Variants in SRGAP1 observed in about 807,000 individuals in gnomAD.
The protein encoded by SRGAP1 is SLIT-ROBO Rho GTPase activating protein 1.
A neutral mutation model predicts 121.9 loss-of-function variants in SRGAP1; 43 were observed. That is an observed-to-expected ratio of 0.35 (90% CI 0.28 to 0.46). SRGAP1 has a LOEUF of 0.46. Ranked by LOEUF, SRGAP1 falls within the 20% of genes least tolerant of loss-of-function variation. The pLI is 1.00. For synonymous variants in SRGAP1, 447 were observed against 485.4 expected (o/e 0.92, Z 1.04); for missense variants, 1,102 against 1,350.9 (o/e 0.82, Z 2.89).
At chr12:63,972,629 T>C (rs1327236662) in intron 1 of SRGAP1, among the ~76,000 whole-genome samples, 2 of 152,180 alleles carry the variant, frequency 1.3e-5, no homozygotes, top group African/African-American at 4.8e-5. Flanking sequence ...ATTTAGAAAC[T>C]TGTTATTTGT....
chr12:63,993,856 G>GT (rs2033622973), intron 3 of SRGAP1, among the ~76,000 whole-genome samples: 1 of 147,740 alleles, frequency 6.8e-6, no homozygotes, highest in South Asian at 2.1e-4. Flanking sequence ...TTTTCAACAG[G>GT]TTAAAAAAAA....
intron 3 of SRGAP1, among the ~76,000 whole-genome samples, chr12:64,012,054 C>A (rs2034268105): frequency 6.6e-6 from 1 of 151,676 alleles, no homozygotes; most frequent in Non-Finnish European, 1.5e-5. Flanking sequence ...AGAGGGAGAC[C>A]CTGTGTCAAA....
intron 17 of SRGAP1, 113 bp downstream of exon 17, chr12:64,112,099 G>A (rs2036439138): frequency 6.4e-6 from 5 of 787,230 alleles, no homozygotes; most frequent in South Asian, 3.8e-5. Context: ...CAACTTAAAA[G>A]GAAGAAGCAG....
In SRGAP1 at chr12:63,845,172, A is replaced by G. The variant is rs1461909088; in HGVS notation, c.67+289A>G. 2.0e-5 allele frequency among the ~76,000 whole-genome samples: 3 copies of G among 152,310 alleles called. No individual in the cohort carries two copies. The East Asian group carries it at 5.8e-4, about 29-fold the overall frequency. The stretch of plus-strand genomic sequence containing the variant: ...TAACTTAACCACCTTCAGCTGGGCA[A>G]CTTATGTGGGAAGCAGGCAGCAGTG... On this transcript the variant is annotated intron_variant, in intron 1 of 21. Coordinates refer to ENST00000355086, the MANE Select transcript of SRGAP1 (RefSeq NM_020762.4).
chr12:64,028,084 T>A (rs1185902037), intron 4 of SRGAP1, among the ~76,000 whole-genome samples: 1 of 152,202 alleles, frequency 6.6e-6, no homozygotes, highest in Non-Finnish European at 1.5e-5. Flanking sequence ...TCTAGTAAAT[T>A]TGGTGGGCTT....
rs59452978 is a variant in SRGAP1, at chr12:63,868,058, T to TATA, written c.67+23175_67+23176insATA. 7.6e-3 allele frequency among the ~76,000 whole-genome samples: 497 copies of TATA among 65,172 alleles called. 1 individual carries two copies. Among genetic ancestry groups the TATA allele is most frequent in the African/African-American group, 0.027 (451 of 16,460 alleles). 42.8% of individuals were successfully genotyped at this position (65,172 alleles called of 152,430 possible). A position where few individuals can be genotyped will look rare whatever the true frequency, so the allele number is the denominator to read the frequency against. ...TCCATATATATATATATATATATATTTTTTTTTTTTTTTTTTTTTTGTTTT... is the reference window on the plus strand; with the variant it reads ...TCCATATATATATATATATATATATTATATTTTTTTTTTTTTTTTTTTTGTTTT... On this transcript the variant is annotated intron_variant, in intron 1 of 21. Transcript: ENST00000355086.
At position 64,126,107 on chromosome 12, in the gene SRGAP1, C is replaced by T; in HGVS notation, c.2355C>T (p.His785=). The part of the protein sequence containing the change: ...RASEDWWEGR[H]NGIDGLVPHQ... ...CTGAGGACTGGTGGGAAGGCAGGCA[C>T]AACGGGATTGACGGGCTGGTGCCTC... Residue 785 remains histidine (H), a synonymous_variant, in exon 19 of 22, where the codon CAC becomes CAT. Transcript: ENST00000355086. 6.2e-7 allele frequency: 1 copy of T among 1,614,176 alleles called. No homozygotes were observed. The highest frequency in any genetic ancestry group is 8.5e-7 in the Non-Finnish European group (1 of 1,180,016).
At chr12:63,875,499 G>A (rs1255838710) in intron 1 of SRGAP1, among the ~76,000 whole-genome samples, 2 of 152,096 alleles carry the variant, frequency 1.3e-5, no homozygotes, top group Non-Finnish European at 1.5e-5. Context: ...CCAGAAATAT[G>A]TTTATTGTCT....
intron 18 of SRGAP1, among the ~76,000 whole-genome samples, chr12:64,123,308 C>T (rs1314065575): frequency 3.3e-5 from 5 of 152,110 alleles, no homozygotes; most frequent in African/African-American, 4.8e-5. Context: ...GATTGTGCTA[C>T]TATATCCGGC....
intron 1 of SRGAP1, among the ~76,000 whole-genome samples, chr12:63,959,649 G>A (rs1351909074): frequency 1.3e-5 from 2 of 152,124 alleles, no homozygotes; most frequent in East Asian, 3.9e-4. Context: ...ATGTTTTTCT[G>A]ATTATGATTC....
At position 63,945,303 on chromosome 12, in the gene SRGAP1, A is replaced by G. The variant is rs2032009183; in HGVS notation, c.68-38644A>G. Among the ~76,000 whole-genome samples the G allele has an allele frequency of 3.3e-5, 5 of 151,306 alleles. No individual in the cohort carries two copies. The South Asian group carries it at 1.0e-3, about 32-fold the overall frequency. On this transcript the variant is annotated intron_variant, in intron 1 of 21. Transcript: ENST00000355086. ...TTAAATACTTTAAGTTTTGGGATAC[A>G]TGTGCAGAACGCGCAGGTTTGTTAC...
intron 3 of SRGAP1, 41 bp downstream of exon 3, chr12:63,990,113 C>T: frequency 6.7e-7 from 1 of 1,499,612 alleles, no homozygotes; most frequent in East Asian, 2.3e-5. Flanking sequence ...TTTCCAATAA[C>T]TGCCTTGTCT....
chr12:63,928,369 G>T (rs1055400408), intron 1 of SRGAP1, among the ~76,000 whole-genome samples: 2 of 152,148 alleles, frequency 1.3e-5, no homozygotes, highest in Non-Finnish European at 2.9e-5. Flanking sequence ...AAAAGACTTG[G>T]AGAAAAATGT....
intron 1 of SRGAP1, among the ~76,000 whole-genome samples, 174 bp downstream of exon 1, chr12:63,845,057 C>T (rs553044517): frequency 2.0e-5 from 3 of 152,218 alleles, no homozygotes; most frequent in East Asian, 3.9e-4. Flanking sequence ...GTTGCAATCC[C>T]AGTCCCGTCA....
At chr12:64,062,141 C>A (rs1203145920) in intron 6 of SRGAP1, among the ~76,000 whole-genome samples, 1 of 152,138 alleles carries the variant, frequency 6.6e-6, no homozygotes, top group Admixed American at 6.5e-5. Flanking sequence ...ACATTCCCAC[C>A]AGCAGTGTAT....
At chr12:64,090,921 C>T (rs1304103235) in intron 11 of SRGAP1, among the ~76,000 whole-genome samples, 1 of 152,054 alleles carries the variant, frequency 6.6e-6, no homozygotes, top group Non-Finnish European at 1.5e-5. Flanking sequence ...TCTTTATGAC[C>T]GGTTGTATCT....
At chr12:63,926,069 C>G (rs896429207) in intron 1 of SRGAP1, among the ~76,000 whole-genome samples, 12 of 152,128 alleles carry the variant, frequency 7.9e-5, no homozygotes, top group African/African-American at 2.9e-4. Flanking sequence ...TCTCTCAAAT[C>G]CGCAATTTAA....
intron 1 of SRGAP1, among the ~76,000 whole-genome samples, chr12:63,904,201 A>T (rs546459607): frequency 6.6e-6 from 1 of 151,822 alleles, no homozygotes; most frequent in South Asian, 2.1e-4. Context: ...TAGTAATACA[A>T]CTCCCCAAGT....
chr12:64,040,900 T>C (rs1319243269), intron 4 of SRGAP1, among the ~76,000 whole-genome samples: 1 of 152,218 alleles, frequency 6.6e-6, no homozygotes, highest in Non-Finnish European at 1.5e-5. Context: ...AATGCTGCAA[T>C]TCTATTTCTG....
Sources: allele counts gnomAD v4.1 joint callset (sites outside exome capture counted in the v4.1 genomes callset), GRCh38; gene constraint gnomAD v4.1.1; transcripts MANE v1.5; gene names NCBI Gene and HGNC (gene_info 2026-07-23, HGNC 2026-07-21).